Variants in CENPI observed in about 807,000 individuals in gnomAD.
The protein encoded by CENPI is centromere protein I.
A neutral mutation model predicts 60.4 loss-of-function variants in CENPI; 4 were observed. The ratio of observed to expected loss-of-function variants is 0.07; its 90% confidence interval spans 0.03 to 0.15. The LOEUF (loss-of-function observed/expected upper bound fraction) is 0.15, where lower values mean the gene tolerates loss of function less well. Among genes scored for constraint, CENPI ranks in the 10% least tolerant of loss-of-function variants. CENPI has a pLI of 1.00. For synonymous variants in CENPI, 157 were observed against 189.4 expected, an observed-to-expected ratio of 0.83 and a Z score of 1.40; for missense variants, 444 against 534.5, an observed-to-expected ratio of 0.83 and a Z score of 1.67.
intron 15 of CENPI, among the ~76,000 whole-genome samples, chrX:101,140,018 A>T (rs1482414887): frequency 9.1e-6 from 1 of 109,741 alleles, no homozygotes; most frequent in Non-Finnish European, 1.9e-5. Context: ...TTGTATTTTT[A>T]GTAGAGACGG....
chrX:101,128,831 A>G lies in CENPI; in HGVS notation c.1190A>G (p.Gln397Arg). 1 of 1,208,542 alleles carries G rather than the reference A, an allele frequency of 8.3e-7. No homozygotes were observed. The change falls in exon 12 of 22, where the codon CAA becomes CGA. Residue 397 changes from glutamine (Q) to arginine (R), a missense_variant. Transcript: ENST00000682095. ...RFYYWLSQTLQEECIWYKVNN... is the reference protein window; with the variant it reads ...RFYYWLSQTLREECIWYKVNN... ...TATTACTGGTTGAGTCAAACATTACAAGAAGGTAAGAATTGAGTGAGGATG... is the reference window on the plus strand; with the variant it reads ...TATTACTGGTTGAGTCAAACATTACGAGAAGGTAAGAATTGAGTGAGGATG...
intron 20 of CENPI, among the ~76,000 whole-genome samples, chrX:101,149,907 C>T (rs767367666): frequency 9.1e-6 from 1 of 110,441 alleles, no homozygotes; most frequent in Non-Finnish European, 1.9e-5. Context: ...TTAAATAGTT[C>T]TGATATACAA....
intron 12 of CENPI, among the ~76,000 whole-genome samples, chrX:101,129,552 A>T (rs1274557188): frequency 9.0e-6 from 1 of 111,368 alleles, no homozygotes; most frequent in Non-Finnish European, 1.9e-5. Flanking sequence ...TTCTTCTCTG[A>T]ATCTTTTAAA....
rs1333777758 is a variant in CENPI at position 101,147,793 on chromosome X, A to G, written c.1857A>G (p.Lys619=). The G allele has an allele frequency of 8.3e-7, 1 of 1,205,604 alleles. No individual in the cohort carries two copies. Among genetic ancestry groups the G allele is most frequent in the Non-Finnish European group, 1.1e-6 (1 of 892,737 alleles). The change falls in exon 19 of 22, where the codon AAA becomes AAG. Residue 619 remains lysine (K), a synonymous_variant. Transcript: ENST00000682095. ...GTAAAAATTTGACTGCCGCAAAGAA[A>G]AATGAGTTGGTACAAAAGGTATGAA... ...RYRKNLTAAK[K]NELVQKTKSE...
intron 6 of CENPI, among the ~76,000 whole-genome samples, chrX:101,111,212 AAG>A (rs1220723975): frequency 9.0e-6 from 1 of 111,064 alleles, no homozygotes; most frequent in Non-Finnish European, 1.9e-5. Context: ...AATGTGAATT[AAG>A]AGAGAGGCTG....
rs1434404391 is a variant in CENPI, at chrX:101,101,097, C to A, written c.27C>A (p.Asn9Lys). 2 of 1,209,677 alleles carry A rather than the reference C, an allele frequency of 1.7e-6. No homozygotes were observed. The highest frequency in any genetic ancestry group is 3.5e-5 in the African/African-American group (2 of 57,714). Residue 9 changes from asparagine to lysine, a missense_variant, in exon 3 of 22, where the codon AAC becomes AAA. Asn to Lys is a moderately conservative substitution (Grantham distance 94). Coordinates refer to ENST00000682095, the MANE Select transcript of CENPI (RefSeq NM_001386188.2). ...TGTCACCTCAAAAGAGAGTTAAGAA[C>A]GTCCAGGCACAAAACAGGACTTCAC... MSPQKRVKNVQAQNRTSQG... is the reference protein window; with the variant it reads MSPQKRVKKVQAQNRTSQG...
chrX:101,158,607 G>A (rs1161660511), intron 20 of CENPI, among the ~76,000 whole-genome samples: 1 of 106,877 alleles, frequency 9.4e-6, no homozygotes, highest in Non-Finnish European at 1.9e-5. Context: ...TTGTAAAGTG[G>A]TCTGAGTTGA....
chrX:101,102,618 CTCAAAGTGCTGG>C (rs2089433897), intron 4 of CENPI, among the ~76,000 whole-genome samples: 2 of 109,386 alleles, frequency 1.8e-5, no homozygotes, highest in Admixed American at 2.0e-4. Flanking sequence ...GCCTTGGCCT[CTCAAAGTGCTGG>C]GATTATAGGC....
chrX:101,167,395 T>C (rs1383357684), downstream of CENPI, among the ~76,000 whole-genome samples: 1 of 112,108 alleles, frequency 8.9e-6, no homozygotes, highest in Non-Finnish European at 1.9e-5. Context: ...TACGTTGCCC[T>C]TGCATCCATT....
chrX:101,151,945 C>T (rs1295885292), intron 20 of CENPI, among the ~76,000 whole-genome samples: 1 of 110,668 alleles, frequency 9.0e-6, no homozygotes, highest in Non-Finnish European at 1.9e-5. Flanking sequence ...AATTTTAGAA[C>T]ATTTTCATTA....
intron 21 of CENPI, among the ~76,000 whole-genome samples, chrX:101,162,324 C>T (rs946222997): frequency 1.9e-5 from 2 of 106,278 alleles, no homozygotes; most frequent in Admixed American, 1.0e-4. Flanking sequence ...CATAGTGGCA[C>T]GTGCCTGTGG....
intron 4 of CENPI, among the ~76,000 whole-genome samples, chrX:101,103,034 G>A (rs1182133995): frequency 3.0e-5 from 3 of 100,396 alleles, no homozygotes; most frequent in African/African-American, 1.1e-4. Context: ...TCACTCCATC[G>A]CCCAGGCTGG....
chrX:101,176,754 C>A, the CENPI span, among the ~76,000 whole-genome samples: 1 of 112,875 alleles, frequency 8.9e-6, no homozygotes, highest in Non-Finnish European at 1.9e-5. Flanking sequence ...TCCTTTGCTG[C>A]GCAAAAGTTT....
At chrX:101,101,509 A>G (rs1018086561) in intron 3 of CENPI, among the ~76,000 whole-genome samples, 4 of 110,886 alleles carry the variant, frequency 3.6e-5, no homozygotes, top group Non-Finnish European at 3.8e-5. Context: ...ACGGCTGCAT[A>G]TTGGGATCAC....
intron 20 of CENPI, among the ~76,000 whole-genome samples, chrX:101,149,273 T>G (rs1300081123): frequency 9.0e-6 from 1 of 111,634 alleles, no homozygotes; most frequent in African/African-American, 3.3e-5. Context: ...TACTCAACTT[T>G]ATCATTGTAG....
At chrX:101,157,270 A>G (rs1338802988) in intron 20 of CENPI, among the ~76,000 whole-genome samples, 1 of 111,605 alleles carries the variant, frequency 9.0e-6, no homozygotes, top group Non-Finnish European at 1.9e-5. Context: ...CCTCTAAACT[A>G]GTTATCACTA....
At chrX:101,179,524 C>CTT in the CENPI span, among the ~76,000 whole-genome samples, 1 of 102,867 alleles carries the variant, frequency 9.7e-6, no homozygotes, top group Non-Finnish European at 2.0e-5. Flanking sequence ...TTCTTTCTTT[C>CTT]TTTTTTTTTT....
At position 101,127,567 on chromosome X, in the gene CENPI, G is replaced by A; in HGVS notation, c.976G>A (p.Glu326Lys). The change falls in exon 11 of 22, where the codon GAG becomes AAG. Residue 326 changes from glutamate to lysine, a missense_variant. Coordinates refer to ENST00000682095, the MANE Select transcript of CENPI (RefSeq NM_001386188.2). The part of the protein sequence containing the change: ...SSYTKECGKK[E>K]MSLSDCLNRS... ...CTACACTAAAGAATGTGGAAAAAAA[G>A]AGATGAGTCTTTCTGATTGTCTGAA... 8.4e-7 allele frequency: 1 copy of A among 1,197,323 alleles called. No homozygotes were observed. The highest frequency in any genetic ancestry group is 1.8e-5 in the South Asian group (1 of 55,910).
intron 6 of CENPI, 98 bp from the exon 7 acceptor site, chrX:101,120,304 T>A: frequency 2.4e-6 from 1 of 413,899 alleles, no homozygotes; most frequent in African/African-American, 2.5e-5. Flanking sequence ...GAAGGTTTTT[T>A]ACTTAATCAG....
Sources: gnomAD v4.1 joint callset for allele counts (sites outside exome capture counted in the v4.1 genomes callset) on GRCh38, gnomAD v4.1.1 for gene constraint, MANE v1.5 for transcripts, NCBI Gene and HGNC (gene_info 2026-07-23, HGNC 2026-07-21) for gene names.